The following TMEM132D variants were observed in gnomAD, a reference collection of about 807,000 sequenced individuals.
TMEM132D encodes transmembrane protein 132D, also known as mature OL transmembrane protein.
Under a neutral mutation model 62.3 loss-of-function variants are expected in TMEM132D, and 21 were observed. The ratio of observed to expected loss-of-function variants is 0.34; its 90% CI spans 0.24 to 0.49. The LOEUF (loss-of-function observed/expected upper bound fraction) is 0.49. Among genes scored for constraint, TMEM132D ranks in the 20% least tolerant of loss-of-function variants. The pLI is 0.99. For missense variants in TMEM132D, 1,346 were observed against 1,402.8 expected, an observed-to-expected ratio of 0.96 and a Z score of 0.65; for synonymous variants, 621 against 575.6, an observed-to-expected ratio of 1.08 and a Z score of -1.13.
rs546913204 is a variant in TMEM132D at position 129,800,460 on chromosome 12, G to T, written c.80-99762C>A. Among the ~76,000 whole-genome samples, 190 of 152,114 alleles carry T rather than the reference G, an allele frequency of 1.2e-3. 2 individuals are homozygous for T. Among genetic ancestry groups the T allele is most frequent in the Middle Eastern group, 6.8e-3 (2 of 292 alleles). On this transcript the variant is annotated intron_variant, in intron 1 of 8. Transcript: ENST00000422113. Reference sequence around the variant, plus strand: ...AGATTCAGGTGCTCTGGAGATGAGAGTCCTAGCCCCTCTCCATGGAGCTAT... The same window carrying T: ...AGATTCAGGTGCTCTGGAGATGAGATTCCTAGCCCCTCTCCATGGAGCTAT...
In TMEM132D at chr12:129,073,753, A is replaced by T. The variant is rs544459164; in HGVS notation, c.*122T>A. ...AGCCGGGGTCATTGGCTGAGGCTGT[A>T]TGGATAGTGTCATCCTTATTTTGTC... On this transcript the variant is annotated 3_prime_UTR_variant, in exon 9 of 9. Coordinates refer to ENST00000422113, the MANE Select transcript of TMEM132D (RefSeq NM_133448.3). 506 of 907,622 alleles carry T rather than the reference A, an allele frequency of 5.6e-4. 6 individuals carry two copies. The South Asian group carries it at 8.7e-3, about 16-fold the overall frequency. The allele number at this position is 907,622 out of a possible 1,614,324, so 56.2% of individuals were successfully genotyped here.
chr12:129,522,950 T>C lies in TMEM132D; in HGVS notation c.1115+8109A>G, dbSNP rs571601589. On this transcript the variant is annotated intron_variant, in intron 3 of 8. Transcript: ENST00000422113. ...GATTAGATATATATGTAGACATAGATTATATATATATATACATAGATTAGA... is the reference window on the plus strand; with the variant it reads ...GATTAGATATATATGTAGACATAGACTATATATATATATACATAGATTAGA... Among the ~76,000 whole-genome samples, 113 of 149,562 alleles carry C rather than the reference T, an allele frequency of 7.6e-4. 1 individual carries two copies. Among genetic ancestry groups the C allele is most frequent in the African/African-American group, 2.7e-3 (111 of 40,868 alleles).
intron 1 of TMEM132D, among the ~76,000 whole-genome samples, chr12:129,735,608 G>A (rs774812116): frequency 6.6e-6 from 1 of 152,022 alleles, no homozygotes; most frequent in Non-Finnish European, 1.5e-5. Context: ...AGACATAACA[G>A]CCTAAATAAA....
intron 2 of TMEM132D, among the ~76,000 whole-genome samples, chr12:129,647,608 C>T (rs896271941): frequency 5.9e-5 from 9 of 152,148 alleles, no homozygotes; most frequent in Admixed American, 2.6e-4. Context: ...TGCGATATTA[C>T]CTTTGCCAAT....
At chr12:129,562,773 C>T (rs1415959277) in intron 2 of TMEM132D, among the ~76,000 whole-genome samples, 1 of 152,166 alleles carries the variant, frequency 6.6e-6, no homozygotes, top group Non-Finnish European at 1.5e-5. Context: ...CTTGCTCATG[C>T]TATTCCTGGG....
intron 3 of TMEM132D, among the ~76,000 whole-genome samples, chr12:129,414,074 A>T (rs1034026094): frequency 6.6e-6 from 1 of 152,222 alleles, no homozygotes; most frequent in Non-Finnish European, 1.5e-5. Context: ...TGCCTTGCTA[A>T]CTTCAACTCA....
chr12:129,552,936 C>G (rs1053737440), intron 2 of TMEM132D, among the ~76,000 whole-genome samples: 5 of 152,148 alleles, frequency 3.3e-5, no homozygotes, highest in Non-Finnish European at 7.3e-5. Context: ...ACCTTTTGAT[C>G]CTGGCATTTA....
At chr12:129,217,340 G>A (rs931065068) in intron 4 of TMEM132D, among the ~76,000 whole-genome samples, 23 of 152,310 alleles carry the variant, frequency 1.5e-4, no homozygotes, top group South Asian at 2.1e-4. Flanking sequence ...TTATAAGTGT[G>A]AGCTAAATGT....
chr12:129,734,544 G>A (rs1359208780), intron 1 of TMEM132D, among the ~76,000 whole-genome samples: 5 of 152,038 alleles, frequency 3.3e-5, no homozygotes, highest in East Asian at 1.9e-4. Flanking sequence ...TCATTGCTTC[G>A]AGTAACGCAA....
intron 2 of TMEM132D, among the ~76,000 whole-genome samples, chr12:129,552,345 A>C (rs1233993780): frequency 6.6e-6 from 1 of 152,166 alleles, no homozygotes; most frequent in Non-Finnish European, 1.5e-5. Context: ...CTATCTACTT[A>C]TTATCTATAT....
At chr12:129,715,505 T>C (rs1868538140) in intron 1 of TMEM132D, among the ~76,000 whole-genome samples, 1 of 152,228 alleles carries the variant, frequency 6.6e-6, no homozygotes, top group Non-Finnish European at 1.5e-5. Flanking sequence ...GTTAAGACTC[T>C]GTAGATAACC....
chr12:129,282,271 C>T (rs1881177389), intron 4 of TMEM132D, among the ~76,000 whole-genome samples: 2 of 151,990 alleles, frequency 1.3e-5, no homozygotes, highest in Admixed American at 1.3e-4. Context: ...GAATATGAGA[C>T]CAGAGGGAGC....
chr12:129,528,931 A>G (rs1233876434), intron 3 of TMEM132D, among the ~76,000 whole-genome samples: 1 of 152,224 alleles, frequency 6.6e-6, no homozygotes, highest in African/African-American at 2.4e-5. Context: ...TCTATCAACA[A>G]AACACCTGTA....
intron 1 of TMEM132D, among the ~76,000 whole-genome samples, chr12:129,701,336 G>T (rs1277553804): frequency 6.6e-6 from 1 of 152,200 alleles, no homozygotes; most frequent in African/African-American, 2.4e-5. Context: ...GAGTTAAGGG[G>T]AGAGATGCAG....
chr12:129,227,309 A>ATATATATATATATATATATATG (rs1331651885), intron 4 of TMEM132D, among the ~76,000 whole-genome samples: 2 of 128,304 alleles, frequency 1.6e-5, no homozygotes, highest in Non-Finnish European at 3.2e-5. Context: ...AAATATATAT[A>ATATATATATATATATATATATG]TATATATATA....
intron 2 of TMEM132D, among the ~76,000 whole-genome samples, chr12:129,585,815 ATGTGTG>A (rs34364323): frequency 6.1e-5 from 9 of 147,736 alleles, no homozygotes; most frequent in African/African-American, 1.7e-4. Context: ...ATATGCATGC[ATGTGTG>A]TGTGTGTGTG....
intron 2 of TMEM132D, among the ~76,000 whole-genome samples, chr12:129,582,481 T>C (rs1877897663): frequency 6.6e-6 from 1 of 152,200 alleles, no homozygotes; most frequent in African/African-American, 2.4e-5. Context: ...CTGCTGAGTA[T>C]CTCTGAGGCA....
At chr12:129,420,487 C>G (rs2135710772) in intron 3 of TMEM132D, among the ~76,000 whole-genome samples, 1 of 152,052 alleles carries the variant, frequency 6.6e-6, no homozygotes, top group East Asian at 1.9e-4. Flanking sequence ...CGAAGGCTGT[C>G]AAATAAATGA....
chr12:129,392,183 G>C (rs953445901), intron 3 of TMEM132D, among the ~76,000 whole-genome samples: 1 of 152,004 alleles, frequency 6.6e-6, no homozygotes, highest in African/African-American at 2.4e-5. Flanking sequence ...TCAGCCTCCT[G>C]AGTAGCTGGG....
Sources: gnomAD v4.1 joint callset for allele counts (sites outside exome capture counted in the v4.1 genomes callset) on GRCh38, gnomAD v4.1.1 for gene constraint, MANE v1.5 for transcripts, NCBI Gene and HGNC (gene_info 2026-07-23, HGNC 2026-07-21) for gene names.